ZPBP: variants seen among roughly 807,000 people sequenced by gnomAD.
ZPBP encodes the protein zona pellucida-binding protein 1.
A neutral mutation model predicts 44.8 loss-of-function variants in ZPBP; 26 were observed. That is an observed-to-expected ratio of 0.58 (90% confidence interval 0.43 to 0.81). ZPBP has a LOEUF of 0.81. Ranked by LOEUF, ZPBP falls within the 30% of genes least tolerant of loss-of-function variation. The probability of loss-of-function intolerance (pLI) is 0.00; values close to 1 mark genes in which losing one functional copy is unlikely to be tolerated. For missense variants in ZPBP, 409 were observed against 434.0 expected (o/e 0.94, Z 0.51); for synonymous variants, 174 against 153.2 (o/e 1.14, Z -1.00).
At chr7:50,084,257 G>A (rs1802514204) in intron 2 of ZPBP, among the ~76,000 whole-genome samples, 1 of 151,078 alleles carries the variant, frequency 6.6e-6, no homozygotes, top group Non-Finnish European at 1.5e-5. Flanking sequence ...TTTTTGAAGA[G>A]CAAAGTTAGT....
intron 1 of ZPBP, among the ~76,000 whole-genome samples, chr7:49,903,082 A>G (rs1792863747): frequency 6.6e-6 from 1 of 152,246 alleles, no homozygotes; most frequent in Non-Finnish European, 1.5e-5. Flanking sequence ...CATCAATATA[A>G]TGGCTAAAAC....
At chr7:50,090,625 G>A (rs13243018) in intron 1 of ZPBP, among the ~76,000 whole-genome samples, 5 of 150,804 alleles carry the variant, frequency 3.3e-5, no homozygotes, top group Non-Finnish European at 4.4e-5. Context: ...GTATATATGT[G>A]TATATATATA....
At position 50,093,208 on chromosome 7, in the gene ZPBP, T is replaced by A. The variant is rs1446395770; in HGVS notation, c.-14A>T. On this transcript the variant is annotated 5_prime_UTR_variant, in exon 1 of 8. Coordinates refer to ENST00000046087, the MANE Select transcript of ZPBP (RefSeq NM_007009.3). ...GAAGGCCTCCATCCACACGCCGCCG[T>A]CGCCTGCCCACCGTCCGCGCGGAAG... The A allele has an allele frequency of 2.0e-6, 3 of 1,511,816 alleles. No individual in the cohort carries two copies. The highest frequency in any genetic ancestry group is 4.2e-5 in the Admixed American group (2 of 47,212). The allele number at this position is 1,511,816 out of a possible 1,614,324, so 93.7% of individuals were successfully genotyped here.
intron 6 of ZPBP, among the ~76,000 whole-genome samples, chr7:50,011,619 T>A (rs900508073): frequency 6.6e-6 from 1 of 152,194 alleles, no homozygotes; most frequent in Non-Finnish European, 1.5e-5. Flanking sequence ...GCATGTTGAA[T>A]AAATTCAGAA....
chr7:50,029,965 C>A (rs567859380), intron 5 of ZPBP, among the ~76,000 whole-genome samples: 1 of 152,156 alleles, frequency 6.6e-6, no homozygotes, highest in Non-Finnish European at 1.5e-5. Context: ...AAGTGATTCT[C>A]CTGCCTCAGC....
chr7:49,850,826 G>A (rs558634271), intron 2 of ZPBP, among the ~76,000 whole-genome samples: 132 of 152,290 alleles, frequency 8.7e-4, no homozygotes, highest in African/African-American at 3.0e-3. Flanking sequence ...AGCATGTACT[G>A]CCATTACATT....
chr7:49,847,863 A>G (rs1333701321), downstream of ZPBP, among the ~76,000 whole-genome samples: 1 of 152,098 alleles, frequency 6.6e-6, no homozygotes. Context: ...TGGGGATGTG[A>G]GCTCTGATTG....
At chr7:49,910,254 A>G (rs1793336717) in intron 1 of ZPBP, among the ~76,000 whole-genome samples, 1 of 152,218 alleles carries the variant, frequency 6.6e-6, no homozygotes, top group Admixed American at 6.5e-5. Context: ...CCACCACAGA[A>G]CATAAGCTAT....
At chr7:50,073,948 A>G (rs1801962346) in intron 3 of ZPBP, among the ~76,000 whole-genome samples, 1 of 152,078 alleles carries the variant, frequency 6.6e-6, no homozygotes, top group African/African-American at 2.4e-5. Flanking sequence ...TGAGTAATAA[A>G]TAATCACCTG....
At chr7:50,071,101 G>T (rs1342840474) in intron 3 of ZPBP, among the ~76,000 whole-genome samples, 4 of 152,074 alleles carry the variant, frequency 2.6e-5, no homozygotes, top group Admixed American at 6.5e-5. Flanking sequence ...GCACTGAAAA[G>T]ACTTTTTAAA....
intron 3 of ZPBP, among the ~76,000 whole-genome samples, chr7:50,080,120 A>G (rs1314040163): frequency 2.6e-5 from 4 of 151,746 alleles, no homozygotes; most frequent in South Asian, 2.1e-4. Flanking sequence ...CCATAAAATG[A>G]TAAGTACAGT....
chr7:50,041,761 T>G (rs910282135), intron 4 of ZPBP, among the ~76,000 whole-genome samples: 1 of 152,092 alleles, frequency 6.6e-6, no homozygotes, highest in Non-Finnish European at 1.5e-5. Flanking sequence ...CCAGAACACT[T>G]CTTCTCCTTC....
intron 2 of ZPBP, among the ~76,000 whole-genome samples, chr7:49,868,901 G>A (rs1260216980): frequency 6.6e-6 from 1 of 152,236 alleles, no homozygotes; most frequent in Non-Finnish European, 1.5e-5. Context: ...TTACGGGCAT[G>A]AGCCACTGCA....
chr7:49,969,840 G>GAA (rs1263956334), intron 7 of ZPBP, among the ~76,000 whole-genome samples: 2 of 116,422 alleles, frequency 1.7e-5, no homozygotes, highest in African/African-American at 6.6e-5. Flanking sequence ...GAGAGAGAGA[G>GAA]AGAGAAAGAG....
chr7:49,917,295 GC>G (rs1793773752), intron 1 of ZPBP: 1 of 152,048 alleles, frequency 6.6e-6, no homozygotes, highest in Non-Finnish European at 1.5e-5. Context: ...TGCTATTCTA[GC>G]CTTAACACAA....
intron 2 of ZPBP, among the ~76,000 whole-genome samples, chr7:49,865,924 T>A (rs1283560204): frequency 6.6e-6 from 1 of 152,240 alleles, no homozygotes; most frequent in South Asian, 2.1e-4. Context: ...TACAAGCCCA[T>A]TTGTCCAGTT....
chr7:49,958,891 A>T (rs1795724678), intron 7 of ZPBP, among the ~76,000 whole-genome samples: 1 of 152,214 alleles, frequency 6.6e-6, no homozygotes, highest in Non-Finnish European at 1.5e-5. Flanking sequence ...ACCGTAATCC[A>T]AAATCACAAC....
intron 4 of ZPBP, among the ~76,000 whole-genome samples, chr7:50,052,318 T>G (rs1047949544): frequency 1.3e-5 from 2 of 152,146 alleles, no homozygotes; most frequent in Non-Finnish European, 2.9e-5. Context: ...CCTAAGAGGA[T>G]GTACAGATGG....
At chr7:50,050,891 C>T (rs1036313121) in intron 4 of ZPBP, among the ~76,000 whole-genome samples, 2 of 145,136 alleles carry the variant, frequency 1.4e-5, no homozygotes, top group African/African-American at 2.6e-5. Flanking sequence ...GATTTCATGA[C>T]AAAAATGCAA....
Sources: gnomAD v4.1 joint callset for allele counts (sites outside exome capture counted in the v4.1 genomes callset) on GRCh38, gnomAD v4.1.1 for gene constraint, MANE v1.5 for transcripts, NCBI Gene and HGNC (gene_info 2026-07-23, HGNC 2026-07-21) for gene names.